MYOCD: variants seen among roughly 807,000 people sequenced by gnomAD.
MYOCD encodes myocardin.
A neutral mutation model predicts 96.1 loss-of-function variants in MYOCD; 32 were observed. The ratio of observed to expected loss-of-function variants is 0.33; its 90% CI spans 0.25 to 0.45. The LOEUF is 0.45. MYOCD is among the 20% of genes least tolerant of loss of function. The pLI, the probability that MYOCD is intolerant of heterozygous loss-of-function variation, is 1.00. For missense variants in MYOCD, 1,133 were observed against 1,200.6 expected, an observed-to-expected ratio of 0.94 and a Z score of 0.83; for synonymous variants, 469 against 469.0, an observed-to-expected ratio of 1.00 and a Z score of 0.00.
At chr17:12,761,226 G>A (rs910804932) in intron 13 of MYOCD, 1 of 154,100 alleles carries the variant, frequency 6.5e-6, no homozygotes, top group Admixed American at 6.4e-5. Context: ...AAAAAATTAT[G>A]GAGTGTGTAC....
In MYOCD at chr17:12,768,731, A is replaced by G. The variant is rs780870056; in HGVS notation, c.*5087A>G. The G allele has an allele frequency of 6.6e-6, 1 of 152,132 alleles. No homozygotes were observed. The highest frequency in any genetic ancestry group is 1.5e-5 in the Non-Finnish European group (1 of 68,016). The allele number at this position is 152,132 out of a possible 1,614,324, so 9.4% of individuals were successfully genotyped here. On this transcript the variant is annotated 3_prime_UTR_variant, in exon 14 of 14. Coordinates refer to ENST00000425538, the MANE Select transcript of MYOCD (RefSeq NM_001146312.3). ...AGTGAAGCACAAAGAGACACTTTGT[A>G]AAGAAAAAAAGAGCAAGCATAGGTT...
chr17:12,719,579 A>G (rs1235157104), intron 4 of MYOCD, among the ~76,000 whole-genome samples: 1 of 151,688 alleles, frequency 6.6e-6, no homozygotes, highest in Non-Finnish European at 1.5e-5. Context: ...TAGGCTGGGT[A>G]CAGTGGCTCA....
chr17:12,757,996 C>A, intron 11 of MYOCD, 89 bp from the exon 12 acceptor site: 1 of 1,031,414 alleles, frequency 9.7e-7, no homozygotes, highest in Non-Finnish European at 1.5e-6. Context: ...ATCAATTTTT[C>A]CAAAATTTAG....
At position 12,679,579 on chromosome 17, in the gene MYOCD, T is replaced by G. The variant is rs373605755; in HGVS notation, c.55+13336T>G. 9.8e-5 allele frequency among the ~76,000 whole-genome samples: 15 copies of G among 152,328 alleles called. No homozygotes were observed. The South Asian group carries it at 1.9e-3, about 19-fold the overall frequency. On this transcript the variant is annotated intron_variant, in intron 1 of 13. Transcript: ENST00000425538. ...ATATATATGTATATGCATATGTTTGTATATGATATATAACATATATATAGT... is the reference window on the plus strand; with the variant it reads ...ATATATATGTATATGCATATGTTTGGATATGATATATAACATATATATAGT...
intron 6 of MYOCD, among the ~76,000 whole-genome samples, chr17:12,737,082 C>T (rs1324320545): frequency 6.6e-6 from 1 of 151,970 alleles, no homozygotes; most frequent in Admixed American, 6.6e-5. Flanking sequence ...CGGTGAAACC[C>T]CGTCTCTACT....
In MYOCD at chr17:12,725,735, A is replaced by G. The variant is rs189738213; in HGVS notation, c.415+2727A>G. Among the ~76,000 whole-genome samples the G allele has an allele frequency of 6.9e-3, 1,055 of 151,824 alleles. 6 individuals are homozygous for G. The highest frequency in any genetic ancestry group is 0.012 in the Non-Finnish European group (832 of 67,934). ...TATAATGTCTTATATTGATGATTACATACATTTTTGTTTTGTTTCTCTCTT... is the reference window on the plus strand; with the variant it reads ...TATAATGTCTTATATTGATGATTACGTACATTTTTGTTTTGTTTCTCTCTT... On this transcript the variant is annotated intron_variant, in intron 5 of 13. Coordinates refer to ENST00000425538, the MANE Select transcript of MYOCD (RefSeq NM_001146312.3).
chr17:12,757,753 C>T (rs975584682), intron 11 of MYOCD, among the ~76,000 whole-genome samples: 4 of 152,124 alleles, frequency 2.6e-5, no homozygotes, highest in South Asian at 2.1e-4. Flanking sequence ...CTCGGCCTCC[C>T]AAAGTGCTAG....
Position 12,736,107 on chromosome 17 carries a change from T to C in MYOCD, c.416-54T>C. ...TGACACATCGAAGCATTTCCAAAAA[T>C]GCCCTTTGATGCTCCTAAGCCACTG... On this transcript the variant is annotated intron_variant, in intron 5 of 13. Transcript: ENST00000425538. 2.7e-6 allele frequency: 4 copies of C among 1,472,108 alleles called. No homozygotes were observed. The South Asian group carries it at 3.6e-5, about 13-fold the overall frequency. 91.2% of individuals were successfully genotyped at this position (1,472,108 alleles called of 1,614,324 possible).
At chr17:12,759,799 A>G (rs2033119442) in intron 12 of MYOCD, among the ~76,000 whole-genome samples, 1 of 152,184 alleles carries the variant, frequency 6.6e-6, no homozygotes, top group Non-Finnish European at 1.5e-5. Context: ...CAACCAAGCA[A>G]GAGGTAGATT....
At chr17:12,695,443 C>A (rs1458200000) in intron 1 of MYOCD, among the ~76,000 whole-genome samples, 2 of 152,172 alleles carry the variant, frequency 1.3e-5, no homozygotes, top group Non-Finnish European at 2.9e-5. Context: ...TGGAGGGACA[C>A]AAACATTAAG....
intron 13 of MYOCD, 196 bp from the exon 14 acceptor site, chr17:12,762,877 C>T (rs989711911): frequency 1.8e-6 from 1 of 570,290 alleles, no homozygotes; most frequent in African/African-American, 1.9e-5. Context: ...AGTGGAATTC[C>T]CAAGAGGAAA....
intron 7 of MYOCD, among the ~76,000 whole-genome samples, chr17:12,740,230 C>T (rs182176264): frequency 5.9e-5 from 9 of 152,134 alleles, no homozygotes; most frequent in East Asian, 5.8e-4. Context: ...CCACTGCGCC[C>T]GGCCCTTTAG....
chr17:12,750,136 TAA>T (rs1266357842), intron 9 of MYOCD, among the ~76,000 whole-genome samples: 1 of 152,026 alleles, frequency 6.6e-6, no homozygotes, highest in Non-Finnish European at 1.5e-5. Flanking sequence ...GGCGCCCGGC[TAA>T]AGTTTTTGAT....
chr17:12,691,706 C>G (rs979596232), intron 1 of MYOCD, among the ~76,000 whole-genome samples: 5 of 152,166 alleles, frequency 3.3e-5, no homozygotes, highest in African/African-American at 1.2e-4. Context: ...TATAATATGA[C>G]TAAAGTTACT....
intron 2 of MYOCD, among the ~76,000 whole-genome samples, chr17:12,712,961 C>T (rs2031525792): frequency 6.6e-6 from 1 of 152,116 alleles, no homozygotes; most frequent in Non-Finnish European, 1.5e-5. Flanking sequence ...TGTTGGCCTT[C>T]ATGGGAGGTG....
chr17:12,749,672 TATAC>T (rs932503652), intron 9 of MYOCD, among the ~76,000 whole-genome samples: 8 of 148,730 alleles, frequency 5.4e-5, no homozygotes, highest in African/African-American at 2.0e-4. Context: ...CACATATGTA[TATAC>T]ACATACATAT....
intron 1 of MYOCD, among the ~76,000 whole-genome samples, chr17:12,670,258 A>G (rs1460227371): frequency 1.3e-5 from 2 of 152,206 alleles, no homozygotes; most frequent in Admixed American, 6.5e-5. Flanking sequence ...TTCTACTCCA[A>G]TAGATGCAGG....
At chr17:12,694,769 G>T (rs1371550171) in intron 1 of MYOCD, among the ~76,000 whole-genome samples, 1 of 149,982 alleles carries the variant, frequency 6.7e-6, no homozygotes, top group African/African-American at 2.5e-5. Context: ...TAATATCAAA[G>T]ACGTGGCCAA....
intron 12 of MYOCD, 110 bp downstream of exon 12, chr17:12,758,323 A>G: frequency 1.3e-6 from 2 of 1,513,582 alleles, no homozygotes; most frequent in Non-Finnish European, 1.8e-6. Flanking sequence ...TGAGTGTGTC[A>G]TGTGCCATAC....
Sources: gnomAD v4.1 joint callset for allele counts (sites outside exome capture counted in the v4.1 genomes callset) on GRCh38, gnomAD v4.1.1 for gene constraint, MANE v1.5 for transcripts, NCBI Gene and HGNC (gene_info 2026-07-23, HGNC 2026-07-21) for gene names.